The following IZUMO2 variants were observed in gnomAD, a reference collection of about 807,000 sequenced individuals.
IZUMO2 encodes the protein IZUMO family member 2.
Under a neutral mutation model 31.2 loss-of-function variants are expected in IZUMO2, and 24 were observed. That is an observed-to-expected ratio of 0.77 (90% CI 0.56 to 1.08). The LOEUF (loss-of-function observed/expected upper bound fraction) is 1.08, where lower values mean the gene tolerates loss of function less well. IZUMO2 is among the 50% of genes least tolerant of loss of function. IZUMO2 has a pLI of 0.00. For synonymous variants in IZUMO2, 144 were observed against 117.3 expected (o/e 1.23, Z -1.47); for missense variants, 278 against 274.0 (o/e 1.01, Z -0.10).
chr19:50,159,382 A>G (rs891841559), intron 3 of IZUMO2, 112 bp downstream of exon 3: 20 of 1,250,058 alleles, frequency 1.6e-5, no homozygotes, highest in Middle Eastern at 1.8e-4. Flanking sequence ...AGAGATGAAG[A>G]AGGCTGAGCT....
chr19:50,162,236 T>C (rs1028853521), intron 2 of IZUMO2, among the ~76,000 whole-genome samples: 4 of 152,004 alleles, frequency 2.6e-5, no homozygotes, highest in Non-Finnish European at 4.4e-5. Flanking sequence ...TGAGCAGAGA[T>C]TGTGGCACTG....
At chr19:50,154,350 T>C (rs2030139696) in intron 6 of IZUMO2, among the ~76,000 whole-genome samples, 1 of 132,296 alleles carries the variant, frequency 7.6e-6, no homozygotes, top group African/African-American at 2.9e-5. Context: ...GGGAAAGTTG[T>C]AATGTGGCCC....
At chr19:50,156,723 G>C (rs58597303) in intron 5 of IZUMO2, among the ~76,000 whole-genome samples, 89 of 152,090 alleles carry the variant, frequency 5.9e-4, no homozygotes, top group African/African-American at 2.0e-3. Flanking sequence ...CCAGGAGTTC[G>C]AGACCAGCCT....
chr19:50,162,901 T>A (rs890749603), intron 1 of IZUMO2, 62 bp downstream of exon 1: 2 of 1,605,802 alleles, frequency 1.2e-6, no homozygotes, highest in African/African-American at 2.7e-5. Context: ...CGACCCCTCT[T>A]GGGGGCGTGG....
chr19:50,158,306 C>T lies in IZUMO2; in HGVS notation c.458G>A (p.Arg153Lys), dbSNP rs756359719. 1 of 1,612,318 alleles carries T rather than the reference C, an allele frequency of 6.2e-7. No individual in the cohort carries two copies. The highest frequency in any genetic ancestry group is 8.5e-7 in the Non-Finnish European group (1 of 1,179,166). Reference protein sequence around the residue: ...EEVLDCLHCQRITPKCIHKKY... With the variant: ...EEVLDCLHCQKITPKCIHKKY... ...TTTGTGGATACACTTGGGAGTGATC[C>T]TCTGGCAATGTAAACAGTCCAACAC... Residue 153 changes from arginine (R) to lysine (K), a missense_variant, in exon 5 of 7, where the codon AGG becomes AAG. Transcript: ENST00000293405.
Position 50,154,734 on chromosome 19 carries a change from G to T in IZUMO2, c.497-8C>A. On this transcript the variant is annotated splice_region_variant and splice_polypyrimidine_tract_variant and intron_variant, in intron 5 of 6. Transcript: ENST00000293405. ...CGCGGGGTTGCCGGTCGACTGGGGC[G>T]GGTGGGGAAACAGCCCCGACCTCCA... 1 of 1,613,166 alleles carries T rather than the reference G, an allele frequency of 6.2e-7. No individual in the cohort carries two copies. Among genetic ancestry groups the T allele is most frequent in the Non-Finnish European group, 8.5e-7 (1 of 1,179,720 alleles).
Position 50,162,958 on chromosome 19 carries a change from C to T in IZUMO2, c.232+5G>A, listed in dbSNP as rs2030452490. 6.2e-7 allele frequency: 1 copy of T among 1,613,422 alleles called. No homozygotes were observed. The highest frequency in any genetic ancestry group is 1.1e-5 in the South Asian group (1 of 91,080). Reference sequence around the variant, plus strand: ...CCCCGCTGCCCAATTTCTCCCAACACGCACCCACTTTCCCCACAAACACGT... The same window carrying T: ...CCCCGCTGCCCAATTTCTCCCAACATGCACCCACTTTCCCCACAAACACGT... On this transcript the variant is annotated splice_donor_5th_base_variant and intron_variant, in intron 1 of 6. Coordinates refer to ENST00000293405, the MANE Select transcript of IZUMO2 (RefSeq NM_152358.3).
At chr19:50,154,798 G>C (rs2123048185) in intron 5 of IZUMO2, 72 bp from the exon 6 acceptor site, 1 of 1,559,714 alleles carries the variant, frequency 6.4e-7, no homozygotes, top group Non-Finnish European at 8.7e-7. Flanking sequence ...CACCCCACCT[G>C]TTCATTCAGC....
chr19:50,157,895 G>C (rs1197046520), intron 5 of IZUMO2, among the ~76,000 whole-genome samples: 1 of 149,380 alleles, frequency 6.7e-6, no homozygotes, highest in East Asian at 2.0e-4. Context: ...ACTCCAGCCT[G>C]GGCGAGAATC....
intron 5 of IZUMO2, among the ~76,000 whole-genome samples, chr19:50,158,061 A>G (rs2030273127): frequency 6.6e-6 from 1 of 152,156 alleles, no homozygotes; most frequent in Admixed American, 6.6e-5. Flanking sequence ...GGGGCATTCT[A>G]AAGTTCCAGG....
In IZUMO2 at chr19:50,162,832, G is replaced by A. The variant is rs771868937; in HGVS notation, c.233-19C>T. 2 of 1,611,696 alleles carry A rather than the reference G, an allele frequency of 1.2e-6. No homozygotes were observed. The highest frequency in any genetic ancestry group is 4.5e-5 in the East Asian group (2 of 44,854). On this transcript the variant is annotated intron_variant, in intron 1 of 6. Transcript: ENST00000293405. ...TTTGTCTCTGGGGGGAGAAGGGAGA[G>A]GACACTCCAGTGAGCCCCCCAGAGA... is the stretch of plus-strand genomic sequence containing the variant.
At chr19:50,155,682 G>A (rs1164240892) in intron 5 of IZUMO2, among the ~76,000 whole-genome samples, 2 of 152,106 alleles carry the variant, frequency 1.3e-5, no homozygotes, top group Non-Finnish European at 2.9e-5. Context: ...CTCTTAGGAG[G>A]CTCCCTTGAC....
chr19:50,163,033 C>G lies in IZUMO2; in HGVS notation c.162G>C (p.Gly54=). ...FQLEQLQARA[G]AVLMGMEGPF... ...GCCCCTCCATGCCCATCAGCACGGC[C>G]CCGGCGCGCGCCTGCAGCTGCTCCA... Residue 54 remains glycine, a synonymous_variant, in exon 1 of 7, where the codon GGG becomes GGC. Transcript: ENST00000293405. 2 of 1,612,878 alleles carry G rather than the reference C, an allele frequency of 1.2e-6. No individual in the cohort carries two copies. Among genetic ancestry groups the G allele is most frequent in the Non-Finnish European group, 8.5e-7 (1 of 1,179,192 alleles).
chr19:50,157,140 A>G (rs1454662763), intron 5 of IZUMO2, among the ~76,000 whole-genome samples: 1 of 152,144 alleles, frequency 6.6e-6, no homozygotes, highest in African/African-American at 2.4e-5. Flanking sequence ...AGTAAGTGCT[A>G]CTTTTGAGAT....
rs1174879604 is a variant in IZUMO2 at position 50,163,142 on chromosome 19, C to G, written c.53G>C (p.Gly18Ala). The change falls in exon 1 of 7, where the codon GGC becomes GCC. Residue 18 changes from glycine to alanine, a missense_variant. Gly to Ala is a moderately conservative substitution (Grantham distance 60, BLOSUM62 0). Transcript: ENST00000293405. ...LLLSGLGAPG[G>A]WGCLQCDPLV... ...GGGGTCGCACTGCAGGCAGCCCCAG[C>G]CTCCGGGGGCGCCCAAGCCCGAGAG... 1 of 1,580,508 alleles carries G rather than the reference C, an allele frequency of 6.3e-7. No homozygotes were observed. The highest frequency in any genetic ancestry group is 1.4e-5 in the African/African-American group (1 of 73,970).
intron 6 of IZUMO2, among the ~76,000 whole-genome samples, 177 bp downstream of exon 6, chr19:50,154,423 G>A (rs1331850892): frequency 1.3e-5 from 2 of 150,512 alleles, no homozygotes; most frequent in Non-Finnish European, 3.0e-5. Context: ...AAGGTACGGG[G>A]CAGGGGGCGG....
Position 50,162,816 on chromosome 19 carries a change from G to C in IZUMO2, c.233-3C>G, listed in dbSNP as rs753255659. 1.9e-6 allele frequency: 3 copies of C among 1,612,970 alleles called. No homozygotes were observed. Among genetic ancestry groups the C allele is most frequent in the Middle Eastern group, 1.7e-4 (1 of 5,742 alleles). The stretch of plus-strand genomic sequence containing the variant: ...CACAAGGTCCAGTTGATTTGTCTCT[G>C]GGGGGAGAAGGGAGAGGACACTCCA... On this transcript the variant is annotated splice_region_variant and splice_polypyrimidine_tract_variant and intron_variant, in intron 1 of 6. Transcript: ENST00000293405.
At chr19:50,153,592 A>C (rs1254852306) in intron 6 of IZUMO2, 3 of 152,170 alleles carry the variant, frequency 2.0e-5, no homozygotes, top group African/African-American at 7.2e-5. Flanking sequence ...ACCTGAAGTC[A>C]GGAGTTTGAG....
rs1358980373 is a variant in IZUMO2, at chr19:50,163,250, AG to A, written c.-57del. On this transcript the variant is annotated 5_prime_UTR_variant, in exon 1 of 7. The change abolishes the stop of an existing upstream ORF in the 5' untranslated region. Coordinates refer to ENST00000293405, the MANE Select transcript of IZUMO2 (RefSeq NM_152358.3). ...CCCGGCCCGCCCCGCCTCCCAGGCG[AG>A]GGCGCGGTCAGGAGGCCCAGGGAGC... 37 of 1,390,322 alleles carry A rather than the reference AG, an allele frequency of 2.7e-5. 1 individual carries two copies. The highest frequency in any genetic ancestry group is 3.6e-5 in the Non-Finnish European group (37 of 1,014,050). 86.1% of individuals were successfully genotyped at this position (1,390,322 alleles called of 1,614,324 possible). A position where few individuals can be genotyped will look rare whatever the true frequency, so the allele number is the denominator to read the frequency against.
Sources: gnomAD v4.1 joint callset for allele counts (sites outside exome capture counted in the v4.1 genomes callset) on GRCh38, gnomAD v4.1.1 for gene constraint, MANE v1.5 for transcripts, NCBI Gene and HGNC (gene_info 2026-07-23, HGNC 2026-07-21) for gene names.